DPYSL3: variants seen among roughly 807,000 people sequenced by gnomAD.
DPYSL3 encodes dihydropyrimidinase like 3.
A neutral mutation model predicts 66.1 loss-of-function variants in DPYSL3; 16 were observed. The observed-to-expected ratio is 0.24, with a 90% CI of 0.16 to 0.37. The LOEUF (loss-of-function observed/expected upper bound fraction) is 0.37. Among genes scored for constraint, DPYSL3 ranks in the 10% least tolerant of loss-of-function variants. The pLI is 1.00. For synonymous variants in DPYSL3, 338 were observed against 345.1 expected, an observed-to-expected ratio of 0.98 and a Z score of 0.23; for missense variants, 738 against 916.2, an observed-to-expected ratio of 0.81 and a Z score of 2.51.
intron 1 of DPYSL3, among the ~76,000 whole-genome samples, chr5:147,471,757 G>A (rs1753088160): frequency 1.3e-5 from 2 of 152,086 alleles, no homozygotes; most frequent in Admixed American, 6.5e-5. Context: ...CATTACCAAG[G>A]GGGAAAAAAT....
intron 1 of DPYSL3, among the ~76,000 whole-genome samples, chr5:147,451,532 T>G (rs1752728213): frequency 6.6e-6 from 1 of 152,224 alleles, no homozygotes; most frequent in African/African-American, 2.4e-5. Flanking sequence ...TTTCCTTATC[T>G]TTCCTTAAAG....
chr5:147,433,231 G>T (rs1443744369), intron 1 of DPYSL3, among the ~76,000 whole-genome samples: 1 of 152,118 alleles, frequency 6.6e-6, no homozygotes, highest in East Asian at 1.9e-4. Flanking sequence ...GTAGAGTGAC[G>T]GGGACCACCC....
In DPYSL3 at chr5:147,415,821, T is replaced by C. The variant is rs1284121634; in HGVS notation, c.708A>G (p.Lys236=). Residue 236 remains lysine, a synonymous_variant, in exon 4 of 14, where the codon AAA becomes AAG. Coordinates refer to ENST00000343218, the MANE Select transcript of DPYSL3 (RefSeq NM_001197294.2). ...TCTTCCCATCAGCCCACTCTCTCCA[T>C]TTCTCATAGGCCTCAGTCAGGCTGG... ...PESSLTEAYE[K]WREWADGKSC... 1 of 1,614,072 alleles carries C rather than the reference T, an allele frequency of 6.2e-7. No individual in the cohort carries two copies. The highest frequency in any genetic ancestry group is 1.1e-5 in the South Asian group (1 of 91,074).
intron 1 of DPYSL3, among the ~76,000 whole-genome samples, chr5:147,463,630 T>C (rs1438061510): frequency 1.3e-5 from 2 of 152,100 alleles, no homozygotes; most frequent in Non-Finnish European, 2.9e-5. Context: ...TGCCAGGCTC[T>C]GCCATCAGCA....
At chr5:147,453,419 C>G in intron 1 of DPYSL3, 1 of 1,335,998 alleles carries the variant, frequency 7.5e-7, no homozygotes, top group Non-Finnish European at 9.7e-7. Context: ...CTCCGCCACC[C>G]GGACCCCGGG....
chr5:147,406,467 C>T (rs1311337233), intron 7 of DPYSL3, among the ~76,000 whole-genome samples: 3 of 152,172 alleles, frequency 2.0e-5, no homozygotes, highest in Non-Finnish European at 2.9e-5. Context: ...GCACAACCTC[C>T]CAAAGCCTCA....
Position 147,394,107 on chromosome 5 carries a change from C to T in DPYSL3, c.1983G>A (p.Glu661=), listed in dbSNP as rs374056960. Residue 661 remains glutamate (E), a synonymous_variant, in exon 14 of 14, where the codon GAG becomes GAA. Coordinates refer to ENST00000343218, the MANE Select transcript of DPYSL3 (RefSeq NM_001197294.2). ...TGCGCTTGCTGGCTGAGCGAACCCC[C>T]TCATCCACTTGGGTGCCTACAGTTG... is the stretch of plus-strand genomic sequence containing the variant. The part of the protein sequence containing the change: ...GFSLSGTQVD[E]GVRSASKRIV... 16 of 1,614,144 alleles carry T rather than the reference C, an allele frequency of 9.9e-6. No individual in the cohort carries two copies. Among genetic ancestry groups the T allele is most frequent in the East Asian group, 2.2e-5 (1 of 44,854 alleles).
At position 147,399,244 on chromosome 5, in the gene DPYSL3, C is replaced by T. The variant is rs1758095561; in HGVS notation, c.1461G>A (p.Gly487=). ...CCACGAACTGGTTTTCGTCCATTTT[C>T]CCTGTGGCCTATTGAAATATAAGAA... ...SVIWDKAVAT[G]KMDENQFVAV... is the part of the protein sequence containing the mutation. Residue 487 remains glycine, a synonymous_variant, in exon 11 of 14, where the codon GGG becomes GGA. Transcript: ENST00000343218. 1.2e-6 allele frequency: 2 copies of T among 1,613,992 alleles called. No homozygotes were observed. Among genetic ancestry groups the T allele is most frequent in the East Asian group, 4.5e-5 (2 of 44,880 alleles).
chr5:147,440,655 T>A (rs1007422075), intron 1 of DPYSL3, among the ~76,000 whole-genome samples: 2 of 152,226 alleles, frequency 1.3e-5, no homozygotes, highest in Non-Finnish European at 2.9e-5. Context: ...TTATGCTATC[T>A]TTTTAAATTT....
intron 1 of DPYSL3, among the ~76,000 whole-genome samples, chr5:147,428,780 A>G (rs1221993462): frequency 6.6e-6 from 1 of 152,016 alleles, no homozygotes; most frequent in South Asian, 2.1e-4. Context: ...GGAAAACAAC[A>G]CACACTGGGG....
intron 6 of DPYSL3, among the ~76,000 whole-genome samples, chr5:147,409,587 C>A (rs900950890): frequency 6.6e-6 from 1 of 152,188 alleles, no homozygotes; most frequent in Admixed American, 6.5e-5. Flanking sequence ...TGGCAAAATT[C>A]CTCAGACTTC....
rs762286701 is a variant in DPYSL3 at position 147,400,818 on chromosome 5, T to G, written c.1326A>C (p.Leu442=). 6 of 1,613,958 alleles carry G rather than the reference T, an allele frequency of 3.7e-6. No individual in the cohort carries two copies. Among genetic ancestry groups the G allele is most frequent in the Non-Finnish European group, 5.1e-6 (6 of 1,179,900 alleles). ...TGAAGGTGCAGTGGGCACTCCCAGA[T>G]AGCTGCAGATCCCCGCTGGCAAAGG... The part of the protein sequence containing the change: ...NSLLASGDLQ[L]SGSAHCTFST... Residue 442 remains leucine, a synonymous_variant, in exon 10 of 14, where the codon CTA becomes CTC. Coordinates refer to ENST00000343218, the MANE Select transcript of DPYSL3 (RefSeq NM_001197294.2).
chr5:147,507,861 C>G (rs948991345), intron 1 of DPYSL3, among the ~76,000 whole-genome samples: 1 of 152,136 alleles, frequency 6.6e-6, no homozygotes, highest in East Asian at 1.9e-4. Context: ...ATCTTGCAAA[C>G]CCAGCATATT....
At chr5:147,400,659 T>A in intron 10 of DPYSL3, 33 bp downstream of exon 10, 1 of 1,607,280 alleles carries the variant, frequency 6.2e-7, no homozygotes, top group Non-Finnish European at 8.5e-7. Flanking sequence ...ATGTTTTGGC[T>A]CTGGCCACCC....
chr5:147,423,959 C>G (rs1054490807), intron 2 of DPYSL3, among the ~76,000 whole-genome samples: 5 of 152,284 alleles, frequency 3.3e-5, no homozygotes, highest in Non-Finnish European at 7.3e-5. Context: ...CTCAAGTGAT[C>G]TGTCCGCCTC....
chr5:147,510,046 C>A lies in DPYSL3; in HGVS notation c.-188G>T, dbSNP rs932129685. On this transcript the variant is annotated 5_prime_UTR_variant, in exon 1 of 14. Coordinates refer to ENST00000343218, the MANE Select transcript of DPYSL3 (RefSeq NM_001197294.2). Reference sequence around the variant, plus strand: ...GCCAGCGAGCCACACAGCCAGCTAGCGCGCGGAGCAGGGGCCCAGAGTAGC... The same window carrying A: ...GCCAGCGAGCCACACAGCCAGCTAGAGCGCGGAGCAGGGGCCCAGAGTAGC... The A allele has an allele frequency of 3.5e-5, 36 of 1,027,042 alleles. 1 individual carries two copies. Among genetic ancestry groups the A allele is most frequent in the Non-Finnish European group, 4.1e-5 (30 of 739,966 alleles). The allele number at this position is 1,027,042 out of a possible 1,614,324, so 63.6% of individuals were successfully genotyped here. A position where few individuals can be genotyped will look rare whatever the true frequency, so the allele number is the denominator to read the frequency against.
intron 8 of DPYSL3, among the ~76,000 whole-genome samples, chr5:147,404,444 C>T (rs148269789): frequency 6.6e-6 from 1 of 152,362 alleles, no homozygotes; most frequent in African/African-American, 2.4e-5. Flanking sequence ...ATCACTCACA[C>T]GTGGAGTTTC....
At chr5:147,486,420 T>C (rs146217344) in intron 1 of DPYSL3, among the ~76,000 whole-genome samples, 1 of 152,354 alleles carries the variant, frequency 6.6e-6, no homozygotes, top group African/African-American at 2.4e-5. Flanking sequence ...GTTTTCCTAT[T>C]TGTAGAGTGA....
At position 147,509,473 on chromosome 5, in the gene DPYSL3, C is replaced by T. The variant is rs145446605; in HGVS notation, c.381+5G>A. ...AAGGAGGGAAGTGACCCGGGGCCCC[C>T]TTACCTTGTCCTTGGGGCCGAGGTT... On this transcript the variant is annotated splice_donor_5th_base_variant and intron_variant, in intron 1 of 13. Coordinates refer to ENST00000343218, the MANE Select transcript of DPYSL3 (RefSeq NM_001197294.2). This position sits in a 1 kb window ranked among gnomAD's most constrained non-coding sequence, Gnocchi z 5.3. 470 of 1,511,662 alleles carry T rather than the reference C, an allele frequency of 3.1e-4. 4 individuals are homozygous for T. The African/African-American group carries it at 4.8e-3, about 15-fold the overall frequency. The allele number at this position is 1,511,662 out of a possible 1,614,324, so 93.6% of individuals were successfully genotyped here.
Sources: gnomAD v4.1 joint callset for allele counts (sites outside exome capture counted in the v4.1 genomes callset) on GRCh38, gnomAD v4.1.1 for gene constraint, Gnocchi (gnomAD v3.1) non-coding constraint, MANE v1.5 for transcripts, NCBI Gene and HGNC (gene_info 2026-07-23, HGNC 2026-07-21) for gene names.